C5orf46: variants seen among roughly 807,000 people sequenced by gnomAD.
C5orf46 encodes the protein chromosome 5 open reading frame 46.
In C5orf46, 9 loss-of-function variants were observed where a neutral mutation model predicts 8.9. The observed-to-expected ratio is 1.01, with a 90% CI of 0.61 to 1.76. The LOEUF is 1.76. Ranked by LOEUF, C5orf46 falls within the 40% of genes most tolerant of loss-of-function variation. The pLI is 0.00. For missense variants in C5orf46, 98 were observed against 107.8 expected (o/e 0.91, Z 0.40); for synonymous variants, 47 against 41.4 (o/e 1.14, Z -0.52).
chr5:147,903,202 A>G (rs557645459), intron 1 of C5orf46, among the ~76,000 whole-genome samples: 8 of 152,176 alleles, frequency 5.3e-5, no homozygotes, highest in Non-Finnish European at 1.0e-4. Context: ...TGGGACCTTT[A>G]TTTTTTAATT....
chr5:147,901,824 C>T, intron 1 of C5orf46, 51 bp from the exon 2 acceptor site: 1 of 1,578,828 alleles, frequency 6.3e-7, no homozygotes. Flanking sequence ...AAGAAGGAAT[C>T]ATTCTTTCTG....
chr5:147,898,745 C>A (rs1757621777), intron 2 of C5orf46, among the ~76,000 whole-genome samples: 1 of 152,018 alleles, frequency 6.6e-6, no homozygotes, highest in Non-Finnish European at 1.5e-5. Context: ...GAAAATACAT[C>A]ATGGAACCCA....
At chr5:147,898,796 T>C (rs1006218645) in intron 2 of C5orf46, among the ~76,000 whole-genome samples, 2 of 151,700 alleles carry the variant, frequency 1.3e-5, no homozygotes, top group Admixed American at 6.6e-5. Flanking sequence ...TCTCAAAGGG[T>C]GAGAGGAGTT....
intron 2 of C5orf46, chr5:147,886,879 A>G (rs1757428558): frequency 6.6e-6 from 1 of 152,148 alleles, no homozygotes; most frequent in African/African-American, 2.4e-5. Context: ...CCAGAATTAC[A>G]TGGTGTCTAA....
At position 147,906,357 on chromosome 5, in the gene C5orf46, G is replaced by A. The variant is rs1018019419; in HGVS notation, c.70+75C>T. On this transcript the variant is annotated intron_variant, in intron 1 of 3. Transcript: ENST00000318315. Reference sequence around the variant, plus strand: ...AGACCCCTTCTTTCTTTTATGTTCTGAATCAGTGCCATCAGCTTTCTCTAG... The same window carrying A: ...AGACCCCTTCTTTCTTTTATGTTCTAAATCAGTGCCATCAGCTTTCTCTAG... 1.0e-5 allele frequency: 10 copies of A among 954,094 alleles called. No individual in the cohort carries two copies. In the East Asian group the frequency reaches 1.6e-4, roughly 15 times the overall value. The allele number at this position is 954,094 out of a possible 1,614,324, so 59.1% of individuals were successfully genotyped here.
intron 2 of C5orf46, among the ~76,000 whole-genome samples, chr5:147,897,544 C>T (rs1757601721): frequency 6.6e-6 from 1 of 152,132 alleles, no homozygotes; most frequent in African/African-American, 2.4e-5. Context: ...GGCTTAAGGA[C>T]TGGGTACCAG....
chr5:147,895,040 G>A (rs1440833574), intron 3 of C5orf46, among the ~76,000 whole-genome samples: 19 of 150,372 alleles, frequency 1.3e-4, no homozygotes, highest in Admixed American at 8.6e-4. Context: ...TCCAACCTGG[G>A]TGACAGAGTG....
At chr5:147,888,625 T>C (rs771447842), downstream of C5orf46, among the ~76,000 whole-genome samples, 1 of 152,192 alleles carries the variant, frequency 6.6e-6, no homozygotes, top group Admixed American at 6.5e-5. Context: ...TCTCAGCACA[T>C]GTCTCCCTTC....
intron 1 of C5orf46, among the ~76,000 whole-genome samples, chr5:147,905,217 G>A (rs1000434750): frequency 2.5e-4 from 38 of 152,212 alleles, no homozygotes; most frequent in African/African-American, 8.9e-4. Context: ...TGAATATAAT[G>A]TTCTTAATAA....
chr5:147,894,027 G>A (rs1479412438), intron 3 of C5orf46, among the ~76,000 whole-genome samples: 1 of 151,810 alleles, frequency 6.6e-6, no homozygotes, highest in East Asian at 1.9e-4. Context: ...GGAATTTCCT[G>A]TCTGACTTAC....
At chr5:147,897,141 TCTC>T (rs1254299112) in intron 2 of C5orf46, 100 bp from the exon 3 acceptor site, 1 of 491,228 alleles carries the variant, frequency 2.0e-6, no homozygotes, top group Non-Finnish European at 3.6e-6. Context: ...ACACTGTTCT[TCTC>T]TAGATTTTTC....
chr5:147,889,980 G>A (rs190740639), downstream of C5orf46, among the ~76,000 whole-genome samples: 6 of 152,312 alleles, frequency 3.9e-5, no homozygotes, highest in East Asian at 9.6e-4. Context: ...TTTGGTTTAA[G>A]CTTTCTTCTG....
chr5:147,888,900 T>G (rs1757460276), downstream of C5orf46, among the ~76,000 whole-genome samples: 1 of 152,148 alleles, frequency 6.6e-6, no homozygotes, highest in Non-Finnish European at 1.5e-5. Flanking sequence ...AGTTATAAGT[T>G]TAGAAAATTA....
Position 147,901,670 on chromosome 5 carries a change from C to A in C5orf46, c.174G>T (p.Glu58Asp). The change falls in exon 2 of 4, where the codon GAG becomes GAT. Residue 58 changes from glutamate to aspartate, a missense_variant. Physicochemically the swap from Glu to Asp is conservative, Grantham distance 45. Coordinates refer to ENST00000318315, the MANE Select transcript of C5orf46 (RefSeq NM_206966.3). ...FLSLLGTEII[E>D]NAVEFILRSM... ...AGCGGAGGATGAACTCGACTGCATT[C>A]TCAATGATCTCTGTGCCCAGGAGGC... is the stretch of plus-strand genomic sequence containing the variant. 6.2e-7 allele frequency: 1 copy of A among 1,614,096 alleles called. No individual in the cohort carries two copies. Among genetic ancestry groups the A allele is most frequent in the Non-Finnish European group, 8.5e-7 (1 of 1,179,992 alleles).
chr5:147,895,635 T>C (rs1444763845), intron 3 of C5orf46, among the ~76,000 whole-genome samples: 1 of 152,138 alleles, frequency 6.6e-6, no homozygotes, highest in Non-Finnish European at 1.5e-5. Context: ...ACCAGACCTG[T>C]AGGATGTACT....
intron 1 of C5orf46, among the ~76,000 whole-genome samples, chr5:147,904,129 A>G (rs943268794): frequency 3.3e-5 from 5 of 152,124 alleles, no homozygotes; most frequent in African/African-American, 1.2e-4. Context: ...ACCTTCACAT[A>G]AAGTGCTGGG....
rs1407285619 is a variant in C5orf46 at position 147,901,765 on chromosome 5, G to T, written c.79C>A (p.Pro27Thr). Reference sequence around the variant, plus strand: ...TCTGGCTTGTCGTCTGGCTTGTCTGGTTTGTCGTCTGAAAAACAACAGAAT... The same window carrying T: ...TCTGGCTTGTCGTCTGGCTTGTCTGTTTTGTCGTCTGAAAAACAACAGAAT... ...LFLTCYADDK[P>T]DKPDDKPDDS... The change falls in exon 2 of 4, where the codon CCA (proline) becomes ACA (threonine). Residue 27 changes from proline (P) to threonine (T), a missense_variant. By Grantham distance (38) the Pro-to-Thr change is conservative. Transcript: ENST00000318315. 1 of 1,613,408 alleles carries T rather than the reference G, an allele frequency of 6.2e-7. No individual in the cohort carries two copies. The highest frequency in any genetic ancestry group is 1.3e-5 in the African/African-American group (1 of 74,882).
At chr5:147,901,895 A>G (rs1757677769) in intron 1 of C5orf46, 122 bp from the exon 2 acceptor site, 2 of 972,216 alleles carry the variant, frequency 2.1e-6, no homozygotes, top group Non-Finnish European at 3.0e-6. Flanking sequence ...TTATATGGTT[A>G]TATTCATCGA....
intron 1 of C5orf46, among the ~76,000 whole-genome samples, chr5:147,905,090 C>T (rs777164468): frequency 6.6e-5 from 10 of 151,606 alleles, no homozygotes; most frequent in South Asian, 2.1e-4. Flanking sequence ...AAATATTAAA[C>T]GATTGATATC....
Sources: allele counts gnomAD v4.1 joint callset (sites outside exome capture counted in the v4.1 genomes callset), GRCh38; gene constraint gnomAD v4.1.1; transcripts MANE v1.5; gene names NCBI Gene and HGNC (gene_info 2026-07-23, HGNC 2026-07-21).